TNR: variants seen among roughly 807,000 people sequenced by gnomAD.
The protein encoded by TNR is tenascin-R.
Under a neutral mutation model 150.4 loss-of-function variants are expected in TNR, and 45 were observed. The observed-to-expected ratio is 0.30, with a 90% CI of 0.24 to 0.38. The LOEUF is 0.38. TNR is among the 10% of genes least tolerant of loss of function. The probability of loss-of-function intolerance (pLI) is 1.00; values close to 1 mark genes in which losing one functional copy is unlikely to be tolerated. For missense variants in TNR, 1,544 were observed against 1,759.1 expected (o/e 0.88, Z 2.19); for synonymous variants, 687 against 678.4 (o/e 1.01, Z -0.20).
chr1:175,642,747 C>T (rs1290266659), intron 1 of TNR, among the ~76,000 whole-genome samples: 1 of 152,084 alleles, frequency 6.6e-6, no homozygotes, highest in Non-Finnish European at 1.5e-5. Flanking sequence ...GTCTGAGCAA[C>T]ACAGTGAGAC....
At chr1:175,443,695 G>C (rs1005085244) in intron 2 of TNR, among the ~76,000 whole-genome samples, 1 of 152,130 alleles carries the variant, frequency 6.6e-6, no homozygotes. Context: ...GAAAGAGGGA[G>C]AATAGAGAGA....
intron 2 of TNR, among the ~76,000 whole-genome samples, chr1:175,463,682 TATGCCCATTTCC>T (rs1248765414): frequency 3.3e-5 from 5 of 152,228 alleles, no homozygotes; most frequent in Non-Finnish European, 5.9e-5. Flanking sequence ...AATTGTGCCA[TATGCCCATTTCC>T]ATGACAATTA....
At chr1:175,697,441 T>C (rs1022115956) in intron 1 of TNR, among the ~76,000 whole-genome samples, 10 of 152,056 alleles carry the variant, frequency 6.6e-5, no homozygotes, top group Admixed American at 6.5e-4. Context: ...AATGTCACTG[T>C]TCTGAATACA....
At chr1:175,541,111 C>G (rs974830279) in intron 1 of TNR, among the ~76,000 whole-genome samples, 1 of 152,188 alleles carries the variant, frequency 6.6e-6, no homozygotes, top group Non-Finnish European at 1.5e-5. Flanking sequence ...CTCCAGAATT[C>G]ACCTCCTCCG....
At chr1:175,655,859 G>A (rs1271060863) in intron 1 of TNR, among the ~76,000 whole-genome samples, 1 of 152,162 alleles carries the variant, frequency 6.6e-6, no homozygotes, top group East Asian at 1.9e-4. Context: ...TCACTATAAG[G>A]ACAATGAGGA....
chr1:175,409,062 T>A (rs1298275640), intron 2 of TNR, among the ~76,000 whole-genome samples: 1 of 152,212 alleles, frequency 6.6e-6, no homozygotes, highest in Non-Finnish European at 1.5e-5. Flanking sequence ...CCGCCTCTCA[T>A]CCAAAGCTCT....
intron 2 of TNR, among the ~76,000 whole-genome samples, chr1:175,414,059 C>T (rs1256152594): frequency 6.6e-6 from 1 of 151,748 alleles, no homozygotes; most frequent in Non-Finnish European, 1.5e-5. Context: ...CTTGAGGCTG[C>T]AGTGAGCTGA....
At chr1:175,591,505 A>G (rs1662796665) in intron 1 of TNR, among the ~76,000 whole-genome samples, 1 of 152,194 alleles carries the variant, frequency 6.6e-6, no homozygotes, top group African/African-American at 2.4e-5. Context: ...GCCGGGAGCT[A>G]TCAATCACCC....
intron 1 of TNR, among the ~76,000 whole-genome samples, chr1:175,699,971 G>A (rs1001499927): frequency 3.3e-5 from 5 of 151,924 alleles, no homozygotes; most frequent in African/African-American, 1.2e-4. Flanking sequence ...CCTACAAGAA[G>A]CAGAAGGATT....
In TNR at chr1:175,569,603, T is replaced by C. The variant is rs77882901; in HGVS notation, c.-164-41234A>G. ...GCAGTTTTGTTTTGACCGGTACTCA[T>C]AGAACTGTCAGCGATCGATAAAATG... On this transcript the variant is annotated intron_variant, in intron 1 of 22. Coordinates refer to ENST00000367674, the MANE Select transcript of TNR (RefSeq NM_003285.3). Among the ~76,000 whole-genome samples the C allele has an allele frequency of 8.5e-3, 1,298 of 152,322 alleles. 10 individuals carry two copies. The highest frequency in any genetic ancestry group is 0.029 in the African/African-American group (1,208 of 41,572).
intron 1 of TNR, among the ~76,000 whole-genome samples, chr1:175,572,444 A>T (rs1661913922): frequency 7.9e-5 from 12 of 152,160 alleles, no homozygotes; most frequent in Admixed American, 5.2e-4. Flanking sequence ...CCCAAAGAAA[A>T]AAAATGGACA....
At chr1:175,693,732 A>G (rs929376241) in intron 1 of TNR, among the ~76,000 whole-genome samples, 1 of 152,210 alleles carries the variant, frequency 6.6e-6, no homozygotes, top group Non-Finnish European at 1.5e-5. Flanking sequence ...GAATGCGCCC[A>G]ATCTCATCTG....
intron 2 of TNR, among the ~76,000 whole-genome samples, chr1:175,410,698 A>G (rs1473060138): frequency 6.6e-6 from 1 of 152,146 alleles, no homozygotes; most frequent in Non-Finnish European, 1.5e-5. Context: ...GTACATTAAC[A>G]TTGCTGATGG....
chr1:175,356,598 T>C, intron 15 of TNR, 136 bp from the exon 16 acceptor site: 1 of 1,029,714 alleles, frequency 9.7e-7, no homozygotes, highest in Non-Finnish European at 1.4e-6. Context: ...TTATCTAGCT[T>C]AGTATCTTAC....
At chr1:175,605,628 G>C (rs1436160311) in intron 1 of TNR, among the ~76,000 whole-genome samples, 2 of 152,220 alleles carry the variant, frequency 1.3e-5, no homozygotes, top group African/African-American at 4.8e-5. Flanking sequence ...GACCAGAAAA[G>C]ACATCCCTGT....
chr1:175,384,392 G>A (rs1307687973), intron 8 of TNR, among the ~76,000 whole-genome samples: 13 of 152,190 alleles, frequency 8.5e-5, no homozygotes, highest in East Asian at 1.9e-4. Flanking sequence ...CGGTCACTCC[G>A]GATTCCAAGA....
At chr1:175,676,850 G>A (rs1163214418) in intron 1 of TNR, among the ~76,000 whole-genome samples, 4 of 152,200 alleles carry the variant, frequency 2.6e-5, no homozygotes, top group Admixed American at 6.5e-5. Context: ...GGAGCTACAA[G>A]AAGAACCCAG....
chr1:175,499,668 T>G (rs1658646289), intron 2 of TNR, among the ~76,000 whole-genome samples: 1 of 152,204 alleles, frequency 6.6e-6, no homozygotes, highest in South Asian at 2.1e-4. Context: ...AATTACTCCT[T>G]GTAATTAGTT....
intron 1 of TNR, among the ~76,000 whole-genome samples, chr1:175,642,631 T>C (rs112270640): frequency 2.5e-3 from 378 of 152,218 alleles, no homozygotes; most frequent in Non-Finnish European, 4.4e-3. Context: ...GTAATGTCTG[T>C]CAGAAAGGAT....
Sources: gnomAD v4.1 joint callset for allele counts (sites outside exome capture counted in the v4.1 genomes callset) on GRCh38, gnomAD v4.1.1 for gene constraint, MANE v1.5 for transcripts, NCBI Gene and HGNC (gene_info 2026-07-23, HGNC 2026-07-21) for gene names.